ELMO1: variants seen among roughly 807,000 people sequenced by gnomAD.
ELMO1 encodes the protein engulfment and cell motility 1.
A neutral mutation model predicts 98.9 loss-of-function variants in ELMO1; 26 were observed. The observed-to-expected ratio is 0.26, with a 90% CI of 0.19 to 0.36. The LOEUF is 0.36. Ranked by LOEUF, ELMO1 falls within the 10% of genes least tolerant of loss-of-function variation. The pLI, the probability that ELMO1 is intolerant of heterozygous loss-of-function variation, is 1.00. For missense variants in ELMO1, 627 were observed against 935.2 expected (o/e 0.67, Z 4.30); for synonymous variants, 346 against 346.0 (o/e 1.00, Z 0.00).
At chr7:37,116,510 G>A (rs1785600062) in intron 14 of ELMO1, among the ~76,000 whole-genome samples, 1 of 152,040 alleles carries the variant, frequency 6.6e-6, no homozygotes, top group Admixed American at 6.6e-5. Flanking sequence ...CCTCAGTGAG[G>A]GAGTCAGGAA....
chr7:37,171,029 C>T (rs927342757), intron 13 of ELMO1, among the ~76,000 whole-genome samples: 19 of 152,058 alleles, frequency 1.2e-4, no homozygotes, highest in African/African-American at 4.1e-4. Flanking sequence ...GGGCAAATTG[C>T]GTGGCAAAAT....
chr7:36,975,815 C>T (rs1272214756), intron 16 of ELMO1, among the ~76,000 whole-genome samples: 1 of 149,376 alleles, frequency 6.7e-6, no homozygotes, highest in Non-Finnish European at 1.5e-5. Context: ...CCCCTGCACT[C>T]CAGCCTGGGC....
chr7:37,276,965 T>C (rs569999418), intron 4 of ELMO1, among the ~76,000 whole-genome samples: 2 of 152,322 alleles, frequency 1.3e-5, no homozygotes, highest in South Asian at 2.1e-4. Context: ...TCTTTTTTGT[T>C]CATTGGCTGT....
At chr7:37,437,614 T>C (rs1583763190) in intron 1 of ELMO1, among the ~76,000 whole-genome samples, 2 of 152,324 alleles carry the variant, frequency 1.3e-5, no homozygotes, top group South Asian at 4.1e-4. Flanking sequence ...TATCTATCAC[T>C]TCAAATATTT....
chr7:37,319,569 C>T (rs1475079281), intron 2 of ELMO1, among the ~76,000 whole-genome samples: 2 of 152,166 alleles, frequency 1.3e-5, no homozygotes, highest in Admixed American at 1.3e-4. Context: ...TAACTATTTG[C>T]CATGAATTTC....
intron 16 of ELMO1, among the ~76,000 whole-genome samples, chr7:36,997,248 A>T (rs1292320019): frequency 5.3e-5 from 8 of 152,206 alleles, no homozygotes; most frequent in African/African-American, 1.7e-4. Flanking sequence ...CAGAAAAAAA[A>T]TTTAAGCTAT....
chr7:37,347,475 A>G (rs1801061463), intron 1 of ELMO1, among the ~76,000 whole-genome samples: 1 of 151,860 alleles, frequency 6.6e-6, no homozygotes, highest in African/African-American at 2.4e-5. Context: ...ATTACAGGGG[A>G]AGTTTTCCCC....
chr7:36,966,181 C>G (rs1172675563), intron 16 of ELMO1, among the ~76,000 whole-genome samples: 1 of 152,202 alleles, frequency 6.6e-6, no homozygotes. Context: ...CATTATCTTG[C>G]CTACTTTCAG....
intron 16 of ELMO1, among the ~76,000 whole-genome samples, chr7:36,935,647 C>T (rs1488605364): frequency 6.6e-6 from 1 of 152,160 alleles, no homozygotes; most frequent in African/African-American, 2.4e-5. Context: ...GACACCACAA[C>T]AGCGTTTTTC....
At chr7:37,230,103 G>T (rs1302569635) in intron 8 of ELMO1, among the ~76,000 whole-genome samples, 1 of 151,876 alleles carries the variant, frequency 6.6e-6, no homozygotes, top group East Asian at 1.9e-4. Flanking sequence ...AATTCTGTGG[G>T]TATTTTTAAT....
chr7:37,157,946 C>A (rs1167622307), intron 13 of ELMO1, among the ~76,000 whole-genome samples: 2 of 152,024 alleles, frequency 1.3e-5, no homozygotes, highest in Non-Finnish European at 2.9e-5. Flanking sequence ...GGTACTGGTA[C>A]CAAAACAGAG....
intron 16 of ELMO1, among the ~76,000 whole-genome samples, chr7:36,902,824 G>A (rs957218674): frequency 3.9e-5 from 6 of 152,130 alleles, no homozygotes; most frequent in African/African-American, 1.4e-4. Flanking sequence ...CAGGAGTGGT[G>A]GGATGTTGAC....
At position 37,135,093 on chromosome 7, in the gene ELMO1, G is replaced by A. The variant is rs554979643; in HGVS notation, c.1087-1859C>T. ...GTTACAAATATGCCTAAGAGGAGAA[G>A]GCCGGGCTGATCTGAACTCTCCATC... On this transcript the variant is annotated intron_variant, in intron 13 of 21. Coordinates refer to ENST00000310758, the MANE Select transcript of ELMO1 (RefSeq NM_014800.11). Among the ~76,000 whole-genome samples the A allele has an allele frequency of 2.0e-5, 3 of 152,228 alleles. No homozygotes were observed. In the South Asian group the frequency reaches 6.2e-4, roughly 32 times the overall value.
intron 1 of ELMO1, among the ~76,000 whole-genome samples, chr7:37,444,840 C>T (rs537275359): frequency 1.3e-5 from 2 of 152,304 alleles, no homozygotes; most frequent in East Asian, 3.9e-4. Flanking sequence ...AAAGTTAAGT[C>T]AATAGCCGAC....
chr7:37,200,542 CG>C (rs1428632824), intron 13 of ELMO1, among the ~76,000 whole-genome samples: 1 of 152,174 alleles, frequency 6.6e-6, no homozygotes, highest in African/African-American at 2.4e-5. Context: ...TCACCTGTGA[CG>C]AATGGGCCAC....
intron 16 of ELMO1, among the ~76,000 whole-genome samples, chr7:36,924,286 G>A (rs773704458): frequency 5.3e-5 from 8 of 152,132 alleles, no homozygotes; most frequent in Non-Finnish European, 1.0e-4. Context: ...AACTGGGTGC[G>A]AGAGGTTTGC....
intron 14 of ELMO1, among the ~76,000 whole-genome samples, chr7:37,115,815 G>T (rs1439521154): frequency 6.6e-6 from 1 of 151,584 alleles, no homozygotes; most frequent in Admixed American, 6.6e-5. Context: ...TGTTCACAGG[G>T]GACATGATTG....
intron 16 of ELMO1, among the ~76,000 whole-genome samples, chr7:36,916,985 T>C (rs183277800): frequency 2.0e-5 from 3 of 152,354 alleles, no homozygotes; most frequent in East Asian, 3.9e-4. Context: ...TGATTTGAGA[T>C]ACTTTGCAAG....
intron 15 of ELMO1, among the ~76,000 whole-genome samples, chr7:37,024,275 G>A (rs1285080162): frequency 6.6e-6 from 1 of 152,218 alleles, no homozygotes; most frequent in Non-Finnish European, 1.5e-5. Context: ...ATTGGTAAAA[G>A]GCAAGGCTGA....
Sources: allele counts gnomAD v4.1 joint callset (sites outside exome capture counted in the v4.1 genomes callset), GRCh38; gene constraint gnomAD v4.1.1; transcripts MANE v1.5; gene names NCBI Gene and HGNC (gene_info 2026-07-23, HGNC 2026-07-21).